The following ADAMTS7 variants were observed in gnomAD, a reference collection of about 807,000 sequenced individuals.
ADAMTS7 encodes the protein A disintegrin and metalloproteinase with thrombospondin motifs 7.
ADAMTS7 carries 89 observed loss-of-function variants against 172.6 expected under a neutral mutation model. The ratio of observed to expected loss-of-function variants is 0.52; its 90% CI spans 0.43 to 0.61. ADAMTS7 has a LOEUF of 0.61. Among genes scored for constraint, ADAMTS7 ranks in the 20% least tolerant of loss-of-function variants. The probability of loss-of-function intolerance (pLI) is 0.00; values close to 1 mark genes in which losing one functional copy is unlikely to be tolerated. For synonymous variants in ADAMTS7, 885 were observed against 978.4 expected (o/e 0.90, Z 1.78); for missense variants, 1,973 against 2,355.6 (o/e 0.84, Z 3.36).
At chr15:78,798,242 A>G in intron 2 of ADAMTS7, 129 bp from the exon 3 acceptor site, 2 of 871,844 alleles carry the variant, frequency 2.3e-6, no homozygotes, top group Non-Finnish European at 3.3e-6. Context: ...CCGCGGACAC[A>G]CTGTACTTTC....
chr15:78,803,155 A>C (rs1244465056), intron 1 of ADAMTS7, among the ~76,000 whole-genome samples: 1 of 151,592 alleles, frequency 6.6e-6, no homozygotes, highest in Non-Finnish European at 1.5e-5. Context: ...TGAGCCTAGG[A>C]GTTCAAGACC....
At chr15:78,801,819 A>C (rs1286836199) in intron 1 of ADAMTS7, among the ~76,000 whole-genome samples, 3 of 152,106 alleles carry the variant, frequency 2.0e-5, no homozygotes, top group South Asian at 2.1e-4. Flanking sequence ...CTGGGACTAC[A>C]GGTGGGTGCC....
intron 16 of ADAMTS7, 93 bp from the exon 17 acceptor site, chr15:78,768,352 A>G: frequency 6.4e-7 from 1 of 1,559,026 alleles, no homozygotes; most frequent in Non-Finnish European, 8.7e-7. Context: ...CTCCCAGAAC[A>G]GCGCCTTACT....
chr15:78,788,372 A>G lies in ADAMTS7; in HGVS notation c.1181T>C (p.Phe394Ser). The change falls in exon 8 of 24, where the codon TTT (phenylalanine) becomes TCT (serine). Residue 394 changes from phenylalanine (F) to serine (S), a missense_variant and splice_region_variant. Physicochemically the swap from Phe to Ser is radical, Grantham distance 155 (BLOSUM62 -2). This residue lies in a region of ADAMTS7 where 526 missense variants were observed against 662.9 expected (regional missense o/e 0.79). Coordinates refer to ENST00000388820, the MANE Select transcript of ADAMTS7 (RefSeq NM_014272.5). The stretch of plus-strand genomic sequence containing the variant: ...GCCGCTTCCGTCATGCTGAATGCCA[A>G]AACTGTGTGAGAGCACAGGCCCCAG... The part of the protein sequence containing the change: ...FTVAHELGHS[F>S]GIQHDGSGND... The G allele has an allele frequency of 6.2e-7, 1 of 1,612,614 alleles. No homozygotes were observed. Among genetic ancestry groups the G allele is most frequent in the Non-Finnish European group, 8.5e-7 (1 of 1,179,918 alleles).
Position 78,788,255 on chromosome 15 carries a change from C to G in ADAMTS7, c.1298G>C (p.Arg433Pro). Residue 433 changes from arginine to proline, a missense_variant, in exon 8 of 24, where the codon CGC (arginine) becomes CCC (proline). Coordinates refer to ENST00000388820, the MANE Select transcript of ADAMTS7 (RefSeq NM_014272.5). ...CTCAAGGAACCTGGTGATATACTGG[C>G]GGCTGCAGCGGGACCAGGTGAGGGG... ...AAPLTWSRCS[R>P]QYITRFLDRG... The G allele has an allele frequency of 6.2e-7, 1 of 1,613,686 alleles. No homozygotes were observed. Among genetic ancestry groups the G allele is most frequent in the Non-Finnish European group, 8.5e-7 (1 of 1,179,982 alleles).
chr15:78,800,015 C>T (rs1262869318), intron 2 of ADAMTS7, among the ~76,000 whole-genome samples, 177 bp downstream of exon 2: 2 of 151,962 alleles, frequency 1.3e-5, no homozygotes, highest in African/African-American at 4.8e-5. Flanking sequence ...GAACTGTTAT[C>T]CTAGAGATCA....
At position 78,790,737 on chromosome 15, in the gene ADAMTS7, G is replaced by A; in HGVS notation, c.961C>T (p.Gln321Ter). 1.2e-6 allele frequency: 2 copies of A among 1,614,068 alleles called. No homozygotes were observed. Among genetic ancestry groups the A allele is most frequent in the Non-Finnish European group, 1.7e-6 (2 of 1,180,026 alleles). ...TCCCCCTTCATGTTGATGCTTTTCT[G>A]CCACTTGCAGAAGCTCTTCAGGGTG... Reference protein sequence around the residue: ...DNTLKSFCKWQKSINMKGDAH... With the variant: ...DNTLKSFCKW Residue 321 changes from glutamine to a stop codon, truncating the protein, a stop_gained, in exon 6 of 24, where the codon CAG becomes TAG. Transcript: ENST00000388820. LOFTEE classifies it high-confidence loss of function.
In ADAMTS7 at chr15:78,759,294, G is replaced by A; in HGVS notation, c.*127C>T. On this transcript the variant is annotated 3_prime_UTR_variant, in exon 24 of 24. Transcript: ENST00000388820. ...AAAAAATACCTTTTTTGAGGGGGAG[G>A]AGGTCCCCAGCCTGCTGCTGGGTAG... The A allele has an allele frequency of 1.2e-6, 1 of 814,606 alleles. No individual in the cohort carries two copies. The highest frequency in any genetic ancestry group is 2.4e-5 in the South Asian group (1 of 41,530). 50.5% of individuals were successfully genotyped at this position (814,606 alleles called of 1,614,324 possible). A position where few individuals can be genotyped will look rare whatever the true frequency, so the allele number is the denominator to read the frequency against.
intron 10 of ADAMTS7, chr15:78,776,540 G>C: frequency 1.2e-6 from 1 of 824,472 alleles, no homozygotes; most frequent in Non-Finnish European, 1.9e-6. Context: ...CCCACATGCT[G>C]ACTCAGCTGA....
At chr15:78,773,550 C>T (rs2055288829) in intron 13 of ADAMTS7, among the ~76,000 whole-genome samples, 1 of 151,964 alleles carries the variant, frequency 6.6e-6, no homozygotes, top group East Asian at 1.9e-4. Context: ...ATTTCAACGT[C>T]AAAGGCACTG....
chr15:78,777,354 C>T, intron 9 of ADAMTS7, 90 bp downstream of exon 9: 2 of 1,494,096 alleles, frequency 1.3e-6, no homozygotes, highest in East Asian at 2.4e-5. Context: ...GAGGTTGCTC[C>T]CAGGCTGGCA....
At position 78,771,819 on chromosome 15, in the gene ADAMTS7, A is replaced by G. The variant is rs763906174; in HGVS notation, c.2142T>C (p.Asp714=). The G allele has an allele frequency of 8.1e-6, 13 of 1,611,124 alleles. No individual in the cohort carries two copies. The highest frequency in any genetic ancestry group is 2.2e-5 in the East Asian group (1 of 44,878). The change falls in exon 15 of 24, where the codon GAT becomes GAC. Residue 714 remains aspartate, a synonymous_variant. Transcript: ENST00000388820. This position sits in a 1 kb window ranked among gnomAD's most constrained non-coding sequence, Gnocchi z 4.9. The part of the protein sequence containing the change: ...FEEAEGLGYV[D]VGLIPAGARE... ...GTGCGCCCGCTGGGATCAGCCCCACATCCACATACCCTGTCAGCCAAGGGT... is the reference window on the plus strand; with the variant it reads ...GTGCGCCCGCTGGGATCAGCCCCACGTCCACATACCCTGTCAGCCAAGGGT...
At chr15:78,787,390 T>C (rs962303528) in intron 8 of ADAMTS7, among the ~76,000 whole-genome samples, 16 of 143,298 alleles carry the variant, frequency 1.1e-4, no homozygotes, top group Admixed American at 5.9e-4. Context: ...CCGGGCATGG[T>C]GCACCGCTCA....
intron 2 of ADAMTS7, among the ~76,000 whole-genome samples, chr15:78,798,818 TCCCTCGGACTTC>T (rs2141520825): frequency 6.6e-6 from 1 of 152,288 alleles, no homozygotes; most frequent in Non-Finnish European, 1.5e-5. Flanking sequence ...AGGTTTTATG[TCCCTCGGACTTC>T]CCCTCATAGG....
At chr15:78,760,816 A>C (rs1027407051) in intron 23 of ADAMTS7, among the ~76,000 whole-genome samples, 62 of 152,030 alleles carry the variant, frequency 4.1e-4, no homozygotes, top group African/African-American at 1.3e-3. Context: ...CTTCTAGTTC[A>C]GCCACCTAAC....
Position 78,759,497 on chromosome 15 carries a change from G to A in ADAMTS7, c.4985C>T (p.Thr1662Ile), listed in dbSNP as rs2055006428. Residue 1662 changes from threonine to isoleucine, a missense_variant, in exon 24 of 24, where the codon ACC (threonine) becomes ATC (isoleucine). Physicochemically the swap from Thr to Ile is moderately conservative, Grantham distance 89. This residue lies in a region of ADAMTS7 where 94 missense variants were observed against 95.4 expected (regional missense o/e 0.99). Transcript: ENST00000388820. ...CGGAGAGCACGAGCGGCAGCACTGG[G>A]TGCGGATGGTGGGCAGCTGGCAGCG... ...LGRCQLPTIR[T>I]QCCRSCSPPS... The A allele has an allele frequency of 6.3e-7, 1 of 1,597,660 alleles. No homozygotes were observed. The highest frequency in any genetic ancestry group is 1.1e-5 in the South Asian group (1 of 90,256).
Position 78,811,344 on chromosome 15 carries a change from G to A in ADAMTS7, c.-124C>T, listed in dbSNP as rs553870933. 5.2e-4 allele frequency: 592 copies of A among 1,146,966 alleles called. 1 individual carries two copies. The African/African-American group carries it at 8.5e-3, about 16-fold the overall frequency. The allele number at this position is 1,146,966 out of a possible 1,614,324, so 71.0% of individuals were successfully genotyped here. On this transcript the variant is annotated 5_prime_UTR_variant, in exon 1 of 24. Coordinates refer to ENST00000388820, the MANE Select transcript of ADAMTS7 (RefSeq NM_014272.5). ...GCCGGCGTGCAGCTCCCGGCGACCC[G>A]GCCCCGACTCCGTTCGGCTGCGCTC... is the stretch of plus-strand genomic sequence containing the variant.
At chr15:78,781,639 T>C (rs2141497636) in intron 8 of ADAMTS7, among the ~76,000 whole-genome samples, 1 of 152,248 alleles carries the variant, frequency 6.6e-6, no homozygotes, top group Non-Finnish European at 1.5e-5. Flanking sequence ...CTGTCTGTCC[T>C]AGAACCAGGC....
intron 4 of ADAMTS7, among the ~76,000 whole-genome samples, chr15:78,796,039 G>A (rs76818114): frequency 0.017 from 2,601 of 152,254 alleles, 52 homozygotes; most frequent in East Asian, 0.11. Flanking sequence ...AGGTACTGTC[G>A]TCATGCCCAG....
Sources: gnomAD v4.1 joint callset for allele counts (sites outside exome capture counted in the v4.1 genomes callset) on GRCh38, gnomAD v4.1.1 for gene constraint, gnomAD v4.1.1 regional missense constraint, Gnocchi (gnomAD v3.1) non-coding constraint, MANE v1.5 for transcripts, NCBI Gene and HGNC (gene_info 2026-07-23, HGNC 2026-07-21) for gene names.